The following FER variants were observed in gnomAD, a reference collection of about 807,000 sequenced individuals.
FER encodes the protein FER tyrosine kinase.
A neutral mutation model predicts 111.0 loss-of-function variants in FER; 63 were observed. The ratio of observed to expected loss-of-function variants is 0.57; its 90% CI spans 0.46 to 0.70. FER has a LOEUF of 0.70. Ranked by LOEUF, FER falls within the 30% of genes least tolerant of loss-of-function variation. The pLI is 0.00. For synonymous variants in FER, 327 were observed against 313.9 expected, an observed-to-expected ratio of 1.04 and a Z score of -0.44; for missense variants, 914 against 954.0, an observed-to-expected ratio of 0.96 and a Z score of 0.55.
intron 2 of FER, among the ~76,000 whole-genome samples, chr5:108,790,273 ACT>A (rs142666245): frequency 1.1e-4 from 16 of 141,846 alleles, no homozygotes; most frequent in African/African-American, 2.8e-4. Context: ...ACACACACAC[ACT>A]CTTACATACA....
chr5:108,914,231 C>T (rs62360831), intron 10 of FER, among the ~76,000 whole-genome samples: 1 of 141,140 alleles, frequency 7.1e-6, no homozygotes, highest in African/African-American at 2.6e-5. Flanking sequence ...ACTTGTCTCT[C>T]TGTGTGTGTG....
At chr5:109,180,651 T>A in intron 17 of FER, 96 bp from the exon 18 acceptor site, 1 of 1,333,234 alleles carries the variant, frequency 7.5e-7, no homozygotes, top group Non-Finnish European at 1.0e-6. Context: ...TATAAATACA[T>A]TGCAAATGTA....
chr5:108,756,422 A>G (rs758021298), intron 1 of FER, among the ~76,000 whole-genome samples: 10 of 151,866 alleles, frequency 6.6e-5, no homozygotes, highest in African/African-American at 7.3e-5. Context: ...TCCAGTCACT[A>G]TCGCATTTCC....
intron 3 of FER, among the ~76,000 whole-genome samples, chr5:108,822,754 T>TTTTA (rs1433659298): frequency 0.17 from 14,496 of 85,110 alleles, 881 homozygotes; most frequent in African/African-American, 0.31. Flanking sequence ...TTTTATTTTA[T>TTTTA]TTTATTTTAT....
At chr5:108,806,475 C>T (rs1238529653) in intron 3 of FER, among the ~76,000 whole-genome samples, 1 of 152,230 alleles carries the variant, frequency 6.6e-6, no homozygotes, top group Non-Finnish European at 1.5e-5. Flanking sequence ...TACCGACAGC[C>T]TGCACTGTGT....
intron 3 of FER, among the ~76,000 whole-genome samples, chr5:108,823,461 A>C (rs1396977155): frequency 6.6e-6 from 1 of 152,098 alleles, no homozygotes; most frequent in Non-Finnish European, 1.5e-5. Context: ...TCTTTTTTAT[A>C]ATAGCCATCT....
intron 16 of FER, among the ~76,000 whole-genome samples, chr5:109,096,205 T>A (rs1747490480): frequency 1.3e-5 from 2 of 151,972 alleles, no homozygotes; most frequent in Admixed American, 1.3e-4. Flanking sequence ...GAAACAGTTG[T>A]TGAAAATAAT....
At chr5:108,808,851 G>T (rs570327733) in intron 3 of FER, among the ~76,000 whole-genome samples, 21 of 152,172 alleles carry the variant, frequency 1.4e-4, no homozygotes, top group Non-Finnish European at 2.6e-4. Context: ...ACGATGCTTA[G>T]TTTGGTGAGA....
intron 5 of FER, among the ~76,000 whole-genome samples, chr5:108,840,346 TC>T (rs1286169818): frequency 2.0e-5 from 3 of 152,232 alleles, no homozygotes; most frequent in Non-Finnish European, 4.4e-5. Context: ...GAAAATAATG[TC>T]AAAAACCACA....
At chr5:108,893,417 T>A (rs192645422) in intron 9 of FER, among the ~76,000 whole-genome samples, 5 of 152,278 alleles carry the variant, frequency 3.3e-5, no homozygotes, top group Non-Finnish European at 7.3e-5. Flanking sequence ...TTCTTTATTT[T>A]TTTTTTCTAC....
At chr5:109,000,471 A>G (rs1038383293) in intron 13 of FER, among the ~76,000 whole-genome samples, 8 of 152,162 alleles carry the variant, frequency 5.3e-5, no homozygotes, top group Admixed American at 1.3e-4. Context: ...AAAAGACACA[A>G]CATTCCAGAA....
chr5:109,039,211 G>A (rs1226168819), intron 14 of FER, among the ~76,000 whole-genome samples: 2 of 144,478 alleles, frequency 1.4e-5, no homozygotes, highest in Non-Finnish European at 3.1e-5. Flanking sequence ...GGAACGCTGA[G>A]GGTTTTTTTT....
At chr5:109,130,419 C>T (rs1752233387) in intron 17 of FER, among the ~76,000 whole-genome samples, 1 of 151,946 alleles carries the variant, frequency 6.6e-6, no homozygotes, top group African/African-American at 2.4e-5. Context: ...TTTGTCTGTA[C>T]TTCCTATTGG....
At chr5:108,884,524 T>TG (rs1554085820) in intron 9 of FER, among the ~76,000 whole-genome samples, 4 of 139,958 alleles carry the variant, frequency 2.9e-5, no homozygotes, top group Non-Finnish European at 4.7e-5. Flanking sequence ...TTTTTTTTTG[T>TG]TTGTTTGTTT....
At chr5:109,060,751 G>A (rs1040330639) in intron 16 of FER, among the ~76,000 whole-genome samples, 111 of 139,612 alleles carry the variant, frequency 8.0e-4, no homozygotes, top group African/African-American at 2.5e-3. Flanking sequence ...GTGTGTGTGC[G>A]TATGTGTGGT....
chr5:109,070,365 A>G (rs1254687610), intron 16 of FER, among the ~76,000 whole-genome samples: 4 of 152,024 alleles, frequency 2.6e-5, no homozygotes, highest in Admixed American at 2.6e-4. Context: ...ATTTGAGGAA[A>G]CAGTATATTT....
At chr5:108,990,685 C>G (rs1763063845) in intron 13 of FER, among the ~76,000 whole-genome samples, 1 of 151,384 alleles carries the variant, frequency 6.6e-6, no homozygotes, top group African/African-American at 2.4e-5. Flanking sequence ...GAGAGAGAGA[C>G]ACAGAAAATA....
intron 5 of FER, among the ~76,000 whole-genome samples, chr5:108,845,485 A>G (rs1393434752): frequency 6.6e-6 from 1 of 151,898 alleles, no homozygotes; most frequent in East Asian, 1.9e-4. Flanking sequence ...CCTGGCCTCT[A>G]GTTGGTTTTT....
At chr5:109,021,440 C>G (rs905927660) in intron 13 of FER, among the ~76,000 whole-genome samples, 2 of 152,052 alleles carry the variant, frequency 1.3e-5, no homozygotes, top group Admixed American at 6.6e-5. Flanking sequence ...ATTGTAGACT[C>G]ACAAGTGGGA....
Sources: allele counts gnomAD v4.1 joint callset (sites outside exome capture counted in the v4.1 genomes callset), GRCh38; gene constraint gnomAD v4.1.1; transcripts MANE v1.5; gene names NCBI Gene and HGNC (gene_info 2026-07-23, HGNC 2026-07-21).